Variants in CSRP2 observed in about 807,000 individuals in gnomAD.
The protein encoded by CSRP2 is cysteine and glycine-rich protein 2.
A neutral mutation model predicts 24.6 loss-of-function variants in CSRP2; 18 were observed. That is an observed-to-expected ratio of 0.73 (90% CI 0.51 to 1.09). The LOEUF (loss-of-function observed/expected upper bound fraction) is 1.09. Among genes scored for constraint, CSRP2 ranks in the 50% least tolerant of loss-of-function variants. The probability of loss-of-function intolerance (pLI) is 0.00; values close to 1 mark genes in which losing one functional copy is unlikely to be tolerated. For synonymous variants in CSRP2, 87 were observed against 84.3 expected (o/e 1.03, Z -0.18); for missense variants, 215 against 239.4 (o/e 0.90, Z 0.67).
intron 1 of CSRP2, among the ~76,000 whole-genome samples, chr12:76,875,145 C>T (rs886961213): frequency 2.6e-5 from 4 of 152,180 alleles, no homozygotes; most frequent in South Asian, 2.1e-4. Context: ...AAATTACACA[C>T]ACAAATTACA....
At chr12:76,862,577 A>C in intron 3 of CSRP2, 1 of 448,616 alleles carries the variant, frequency 2.2e-6, no homozygotes, top group Non-Finnish European at 3.5e-6. Context: ...GGGAATTCTA[A>C]ACAAATAAGT....
intron 3 of CSRP2, chr12:76,861,871 C>G (rs981766102): frequency 6.6e-6 from 1 of 152,192 alleles, no homozygotes; most frequent in African/African-American, 2.4e-5. Context: ...ACAACAGGGA[C>G]TCAATACATG....
intron 1 of CSRP2, among the ~76,000 whole-genome samples, chr12:76,871,464 G>C (rs1280723457): frequency 6.6e-6 from 1 of 152,200 alleles, no homozygotes; most frequent in Non-Finnish European, 1.5e-5. Context: ...ACATATGGTG[G>C]TGACTGTCTA....
rs1215179850 is a variant in CSRP2, at chr12:76,859,694, A to G, written c.412-54T>C. 68 of 1,317,394 alleles carry G rather than the reference A, an allele frequency of 5.2e-5. 1 individual carries two copies. Among genetic ancestry groups the G allele is most frequent in the South Asian group, 1.3e-4 (10 of 77,562 alleles). 81.6% of individuals were successfully genotyped at this position (1,317,394 alleles called of 1,614,324 possible). On this transcript the variant is annotated intron_variant, in intron 4 of 5. Transcript: ENST00000311083. ...TGAGAGGCCTGTTTCCTACAGTTCA[A>G]TTTAGATGTATGGCAAGAAGTGGCT... is the stretch of plus-strand genomic sequence containing the variant.
At chr12:76,875,254 C>T (rs908383318) in intron 1 of CSRP2, among the ~76,000 whole-genome samples, 2 of 152,178 alleles carry the variant, frequency 1.3e-5, no homozygotes, top group Non-Finnish European at 1.5e-5. Context: ...TTTATTACCC[C>T]TCTCTGCTAA....
chr12:76,860,506 C>T (rs997992108), intron 3 of CSRP2, 93 bp from the exon 4 acceptor site: 61 of 1,428,202 alleles, frequency 4.3e-5, no homozygotes, highest in Admixed American at 2.7e-4. Flanking sequence ...GGGACTTAAC[C>T]GCTACACTGC....
intron 2 of CSRP2, among the ~76,000 whole-genome samples, chr12:76,865,217 G>T (rs990389913): frequency 1.5e-4 from 23 of 152,314 alleles, no homozygotes; most frequent in African/African-American, 5.5e-4. Flanking sequence ...AGATGAAACT[G>T]AGAGCAATTT....
chr12:76,861,242 C>G (rs140066131), intron 3 of CSRP2: 1 of 151,416 alleles, frequency 6.6e-6, no homozygotes, highest in African/African-American at 2.4e-5. Flanking sequence ...GTTAATTTTT[C>G]CTACTGGAAA....
At chr12:76,864,800 G>A (rs1433754084) in intron 2 of CSRP2, 1 of 152,148 alleles carries the variant, frequency 6.6e-6, no homozygotes, top group Non-Finnish European at 1.5e-5. Context: ...GAATCTAACT[G>A]TTGAGGCTCA....
intron 4 of CSRP2, 92 bp from the exon 5 acceptor site, chr12:76,859,732 C>G (rs1565819383): frequency 1.1e-6 from 1 of 906,630 alleles, no homozygotes; most frequent in Non-Finnish European, 1.7e-6. Flanking sequence ...GGATGATCAT[C>G]TCAAAGCAAG....
chr12:76,859,214 G>A (rs1032652076), intron 5 of CSRP2, among the ~76,000 whole-genome samples, 186 bp from the exon 6 acceptor site: 2 of 152,200 alleles, frequency 1.3e-5, no homozygotes. Context: ...ACACATTCTG[G>A]CCCTATAGTG....
At chr12:76,874,399 C>T (rs190754211) in intron 1 of CSRP2, among the ~76,000 whole-genome samples, 10 of 152,290 alleles carry the variant, frequency 6.6e-5, no homozygotes, top group Admixed American at 4.6e-4. Flanking sequence ...GGCCAAATTT[C>T]CTTAACCTCT....
chr12:76,874,003 T>A (rs1191719915), intron 1 of CSRP2, among the ~76,000 whole-genome samples: 2 of 152,180 alleles, frequency 1.3e-5, no homozygotes, highest in Non-Finnish European at 2.9e-5. Context: ...TGAGGATAAA[T>A]GGGTCATAAG....
At chr12:76,860,062 G>T (rs1042617056) in intron 4 of CSRP2, among the ~76,000 whole-genome samples, 2 of 152,220 alleles carry the variant, frequency 1.3e-5, no homozygotes, top group South Asian at 4.2e-4. Context: ...CTTCAGGAGT[G>T]CCCCCTATGA....
intron 1 of CSRP2, among the ~76,000 whole-genome samples, chr12:76,868,886 T>C (rs965530095): frequency 2.7e-5 from 4 of 150,922 alleles, no homozygotes; most frequent in South Asian, 2.1e-4. Context: ...TGAGCCGAGA[T>C]TGTGCCACTG....
chr12:76,871,207 T>C (rs1255816819), intron 1 of CSRP2, among the ~76,000 whole-genome samples: 1 of 152,094 alleles, frequency 6.6e-6, no homozygotes, highest in Admixed American at 6.6e-5. Context: ...ACAGAAATAT[T>C]GTGAAGGCAA....
In CSRP2 at chr12:76,863,190, G is replaced by T; in HGVS notation, c.267C>A (p.Gly89=). The change falls in exon 3 of 6, where the codon GGC becomes GGA. Residue 89 remains glycine, a synonymous_variant. Coordinates refer to ENST00000311083, the MANE Select transcript of CSRP2 (RefSeq NM_001321.3). ...TCCCAACTCACCTCTCTGGTTTGAT[G>T]CCCAGCCTCTCGCCACGGTCCATGT... is the stretch of plus-strand genomic sequence containing the variant. ...TLNMDRGERL[G]IKPESVQPHR... is the part of the protein sequence containing the mutation. 6.2e-7 allele frequency: 1 copy of T among 1,613,056 alleles called. No homozygotes were observed. The highest frequency in any genetic ancestry group is 1.3e-5 in the African/African-American group (1 of 75,014).
At chr12:76,876,239 GT>G (rs1953850310) in intron 1 of CSRP2, among the ~76,000 whole-genome samples, 1 of 152,188 alleles carries the variant, frequency 6.6e-6, no homozygotes, top group African/African-American at 2.4e-5. Flanking sequence ...GAAGACAATA[GT>G]ATTGTTGGCA....
In CSRP2 at chr12:76,867,537, A is replaced by C. The variant is rs545893045; in HGVS notation, c.-1-1276T>G. ...GAAAAAAGCCTGGTTCTGAATGGCC[A>C]GCTTCCTCAGATGCCTTAACCAGTA... On this transcript the variant is annotated intron_variant, in intron 1 of 5. Transcript: ENST00000311083. 3.3e-5 allele frequency among the ~76,000 whole-genome samples: 5 copies of C among 152,234 alleles called. No individual in the cohort carries two copies. The South Asian group carries it at 1.0e-3, about 32-fold the overall frequency.
Sources: gnomAD v4.1 joint callset for allele counts (sites outside exome capture counted in the v4.1 genomes callset) on GRCh38, gnomAD v4.1.1 for gene constraint, MANE v1.5 for transcripts, NCBI Gene and HGNC (gene_info 2026-07-23, HGNC 2026-07-21) for gene names.